SLC35D1: variants seen among roughly 807,000 people sequenced by gnomAD.
SLC35D1 encodes nucleotide sugar transporter SLC35D1.
A neutral mutation model predicts 46.7 loss-of-function variants in SLC35D1; 31 were observed. The observed-to-expected ratio is 0.66, with a 90% CI of 0.50 to 0.90. SLC35D1 has a LOEUF of 0.90. SLC35D1 is among the 40% of genes least tolerant of loss of function. The pLI is 0.00. For missense variants in SLC35D1, 397 were observed against 426.2 expected (o/e 0.93, Z 0.60); for synonymous variants, 195 against 164.6 (o/e 1.18, Z -1.41).
At chr1:67,045,111 A>C (rs1645238340) in intron 7 of SLC35D1, among the ~76,000 whole-genome samples, 1 of 152,298 alleles carries the variant, frequency 6.6e-6, no homozygotes. Flanking sequence ...CAGGAAGTAG[A>C]GGATATGCAT....
At position 67,004,044 on chromosome 1, in the gene SLC35D1, T is replaced by C. The variant is rs907624151; in HGVS notation, c.*296A>G. ...CTGGATATCAAATTATGAAATAAAA[T>C]ACTTTCAAAACACTGATGTTTCACT... On this transcript the variant is annotated 3_prime_UTR_variant, in exon 12 of 12. Transcript: ENST00000235345. The C allele has an allele frequency of 6.0e-6, 2 of 332,384 alleles. No homozygotes were observed. The highest frequency in any genetic ancestry group is 1.2e-5 in the Non-Finnish European group (2 of 173,478). The allele number at this position is 332,384 out of a possible 1,614,324, so 20.6% of individuals were successfully genotyped here.
Position 67,009,133 on chromosome 1 carries a change from C to T in SLC35D1, c.911G>A (p.Gly304Asp), listed in dbSNP as rs1247159682. 1.3e-6 allele frequency: 2 copies of T among 1,496,404 alleles called. No individual in the cohort carries two copies. The highest frequency in any genetic ancestry group is 1.9e-6 in the Non-Finnish European group (2 of 1,077,972). The allele number at this position is 1,496,404 out of a possible 1,614,324, so 92.7% of individuals were successfully genotyped here. A position where few individuals can be genotyped will look rare whatever the true frequency, so the allele number is the denominator to read the frequency against. The change falls in exon 11 of 12, where the codon GGT becomes GAT. Residue 304 changes from glycine to aspartate, a missense_variant. Transcript: ENST00000235345. ...ILITYIGMVFGGDYIFTWTNF... is the reference protein window; with the variant it reads ...ILITYIGMVFDGDYIFTWTNF... ...TGTCCACGTGAAAATATAATCTCCA[C>T]CAAAGACCATTCCAATATAAGTTAT...
chr1:66,988,678 T>C, the SLC35D1 span: 8 of 152,346 alleles, frequency 5.3e-5, no homozygotes, highest in Admixed American at 2.0e-4. Flanking sequence ...GTGAAGAATA[T>C]TGAAGAATTG....
At chr1:66,983,068 G>A in the SLC35D1 span, among the ~76,000 whole-genome samples, 1 of 152,170 alleles carries the variant, frequency 6.6e-6, no homozygotes, top group Non-Finnish European at 1.5e-5. Flanking sequence ...AGAACATGCT[G>A]TTAGGCTAGG....
chr1:66,987,717 A>T, the SLC35D1 span: 1 of 152,422 alleles, frequency 6.6e-6, no homozygotes, highest in Non-Finnish European at 1.5e-5. Flanking sequence ...ATTCACTAAG[A>T]TTTTATTAGA....
At chr1:67,051,684 G>A (rs1395240721) in intron 4 of SLC35D1, among the ~76,000 whole-genome samples, 2 of 152,092 alleles carry the variant, frequency 1.3e-5, no homozygotes, top group Non-Finnish European at 2.9e-5. Flanking sequence ...TGAAATCCCA[G>A]AAGCCTAGTA....
intron 1 of SLC35D1, 29 bp downstream of exon 1, chr1:67,053,782 G>T: frequency 6.5e-7 from 1 of 1,533,028 alleles, no homozygotes; most frequent in Non-Finnish European, 8.8e-7. Flanking sequence ...CCTCCTCCGC[G>T]GCCTGGGCCG....
chr1:67,019,350 C>T (rs888969748), intron 10 of SLC35D1, among the ~76,000 whole-genome samples: 11 of 152,286 alleles, frequency 7.2e-5, no homozygotes, highest in African/African-American at 1.9e-4. Context: ...TCAGCCAGCC[C>T]AATCCCTGGC....
At chr1:67,039,726 A>G (rs1668202342) in intron 8 of SLC35D1, among the ~76,000 whole-genome samples, 1 of 152,178 alleles carries the variant, frequency 6.6e-6, no homozygotes, top group African/African-American at 2.4e-5. Context: ...GCAGTTTATC[A>G]GCACTGATTA....
At chr1:66,985,848 T>G in the SLC35D1 span, 1 of 809,568 alleles carries the variant, frequency 1.2e-6, no homozygotes, top group Non-Finnish European at 1.5e-6. Flanking sequence ...AAATTTCTAC[T>G]TAAGGGCAAG....
intron 8 of SLC35D1, among the ~76,000 whole-genome samples, chr1:67,032,871 T>TA (rs1668045712): frequency 6.6e-6 from 1 of 152,210 alleles, no homozygotes; most frequent in African/African-American, 2.4e-5. Flanking sequence ...TTGTATCTCT[T>TA]AACCCTTCCA....
chr1:66,985,309 A>G, the SLC35D1 span: 2 of 985,422 alleles, frequency 2.0e-6, no homozygotes, highest in Non-Finnish European at 2.4e-6. Flanking sequence ...CTCAAGTCCA[A>G]ATTTCTGCTT....
chr1:66,997,538 A>ATATATAT (rs71058489), downstream of SLC35D1, among the ~76,000 whole-genome samples: 1 of 135,322 alleles, frequency 7.4e-6, no homozygotes, highest in African/African-American at 2.7e-5. Flanking sequence ...ATATATATAT[A>ATATATAT]ACCCCTTTAG....
At chr1:67,015,399 T>G (rs1002418022) in intron 10 of SLC35D1, among the ~76,000 whole-genome samples, 8 of 150,942 alleles carry the variant, frequency 5.3e-5, no homozygotes, top group South Asian at 2.1e-4. Context: ...ATTTTCTCTG[T>G]TTTTTTTTGA....
intron 6 of SLC35D1, among the ~76,000 whole-genome samples, chr1:67,047,728 C>A (rs1195699314): frequency 1.3e-5 from 2 of 152,094 alleles, no homozygotes; most frequent in African/African-American, 4.8e-5. Flanking sequence ...GACAAGAAAA[C>A]CAAAAGGATG....
downstream of SLC35D1, among the ~76,000 whole-genome samples, chr1:66,994,911 G>C (rs1197322892): frequency 7.8e-6 from 1 of 128,914 alleles, no homozygotes; most frequent in East Asian, 2.1e-4. Context: ...CACACATTTA[G>C]GCAAAAAAAG....
At chr1:67,035,147 C>CAT (rs1558161200) in intron 8 of SLC35D1, among the ~76,000 whole-genome samples, 7 of 151,372 alleles carry the variant, frequency 4.6e-5, no homozygotes, top group South Asian at 2.1e-4. Context: ...TGTGTGTGTG[C>CAT]GCGCGTGTGT....
the SLC35D1 span, among the ~76,000 whole-genome samples, chr1:66,989,427 C>T: frequency 6.6e-6 from 1 of 152,068 alleles, no homozygotes; most frequent in African/African-American, 2.4e-5. Flanking sequence ...TTAGATGATC[C>T]CTGAAATTGA....
At chr1:67,041,971 T>A (rs1460926070) in intron 8 of SLC35D1, among the ~76,000 whole-genome samples, 1 of 152,228 alleles carries the variant, frequency 6.6e-6, no homozygotes, top group Non-Finnish European at 1.5e-5. Flanking sequence ...CCTTCCTCTA[T>A]CCTTCTGGCA....
Sources: gnomAD v4.1 joint callset for allele counts (sites outside exome capture counted in the v4.1 genomes callset) on GRCh38, gnomAD v4.1.1 for gene constraint, MANE v1.5 for transcripts, NCBI Gene and HGNC (gene_info 2026-07-23, HGNC 2026-07-21) for gene names.